The following CRTC3 variants were observed in gnomAD, a reference collection of about 807,000 sequenced individuals.
CRTC3 encodes CREB regulated transcription coactivator 3, also known as CREB-regulated transcription coactivator 3.
CRTC3 carries 26 observed loss-of-function variants against 74.5 expected under a neutral mutation model. The observed-to-expected ratio is 0.35, with a 90% CI of 0.26 to 0.48. The LOEUF (loss-of-function observed/expected upper bound fraction) is 0.48, where lower values mean the gene tolerates loss of function less well. CRTC3 is among the 20% of genes least tolerant of loss of function. The probability of loss-of-function intolerance (pLI) is 0.99; values close to 1 mark genes in which losing one functional copy is unlikely to be tolerated. For synonymous variants in CRTC3, 377 were observed against 325.8 expected (o/e 1.16, Z -1.69); for missense variants, 760 against 787.3 (o/e 0.97, Z 0.41).
chr15:90,607,623 C>T, intron 6 of CRTC3, 145 bp downstream of exon 6: 3 of 578,588 alleles, frequency 5.2e-6, no homozygotes, highest in Non-Finnish European at 9.2e-6. Context: ...GCGTGTGTGT[C>T]CATGATGCAG....
chr15:90,603,237 A>C (rs1427794491), intron 4 of CRTC3, among the ~76,000 whole-genome samples: 4 of 150,998 alleles, frequency 2.6e-5, no homozygotes, highest in Admixed American at 6.6e-5. Context: ...AGCTCAGGAG[A>C]TCGAGACCAT....
chr15:90,627,621 C>CTT (rs770224809), intron 10 of CRTC3, among the ~76,000 whole-genome samples: 1 of 144,684 alleles, frequency 6.9e-6, no homozygotes, highest in African/African-American at 2.5e-5. Context: ...TCTGTATTTT[C>CTT]TTTTTTTTTT....
chr15:90,597,194 A>AGCTCTTCT (rs1390256337), intron 3 of CRTC3, among the ~76,000 whole-genome samples: 1 of 152,262 alleles, frequency 6.6e-6, no homozygotes, highest in East Asian at 1.9e-4. Context: ...TTGGAAGAGA[A>AGCTCTTCT]GCTCTTCTGC....
intron 2 of CRTC3, among the ~76,000 whole-genome samples, chr15:90,564,471 C>G (rs971862268): frequency 6.6e-6 from 1 of 152,198 alleles, no homozygotes; most frequent in Non-Finnish European, 1.5e-5. Context: ...AGACCCTCCT[C>G]TATTATTTTC....
At chr15:90,564,606 G>A (rs1967083123) in intron 2 of CRTC3, among the ~76,000 whole-genome samples, 1 of 152,212 alleles carries the variant, frequency 6.6e-6, no homozygotes, top group East Asian at 1.9e-4. Context: ...CTTCTCATCT[G>A]CTTTTACTAC....
At chr15:90,561,502 G>A (rs1967009779) in intron 2 of CRTC3, among the ~76,000 whole-genome samples, 1 of 152,180 alleles carries the variant, frequency 6.6e-6, no homozygotes, top group Admixed American at 6.6e-5. Context: ...TTTCAAGAGA[G>A]GCAGAAAGAA....
At chr15:90,618,076 A>G in intron 8 of CRTC3, 108 bp downstream of exon 8, 1 of 685,386 alleles carries the variant, frequency 1.5e-6, no homozygotes, top group Non-Finnish European at 2.6e-6. Flanking sequence ...GGAAAAGGAG[A>G]AGATTTGTCT....
Position 90,627,761 on chromosome 15 carries a change from A to ACAGGC in CRTC3, c.968-1472_968-1468dup, listed in dbSNP as rs1968889785. Among the ~76,000 whole-genome samples the ACAGGC allele has an allele frequency of 3.3e-5, 5 of 149,320 alleles. No individual in the cohort carries two copies. In the South Asian group the frequency reaches 1.1e-3, roughly 32 times the overall value. On this transcript the variant is annotated intron_variant, in intron 10 of 14. Transcript: ENST00000268184. ...CTCAGCCTCCCCAGTAGCTGGGACT[A>ACAGGC]CAGGCACCTGCCACCACGCCCGGCT...
intron 7 of CRTC3, among the ~76,000 whole-genome samples, chr15:90,617,566 G>T (rs924385106): frequency 7.9e-5 from 12 of 152,208 alleles, no homozygotes; most frequent in African/African-American, 2.6e-4. Context: ...GTCTTGTTCT[G>T]TTGCCCAGCC....
chr15:90,585,933 T>C (rs1273880814), intron 2 of CRTC3, among the ~76,000 whole-genome samples: 2 of 152,214 alleles, frequency 1.3e-5, no homozygotes, highest in Admixed American at 1.3e-4. Context: ...CTTTGCTTTC[T>C]GGCTCACCAC....
Position 90,614,475 on chromosome 15 carries a change from T to C in CRTC3, c.600T>C (p.Asn200=), listed in dbSNP as rs765203834. 6 of 1,610,434 alleles carry C rather than the reference T, an allele frequency of 3.7e-6. No homozygotes were observed. The Admixed American group carries it at 8.3e-5, about 22-fold the overall frequency. ...TAGGTTTCTGTGATGGTGAGAATAATGGACATGGGGAAGGTATGAACTGAT... is the reference window on the plus strand; with the variant it reads ...TAGGTTTCTGTGATGGTGAGAATAACGGACATGGGGAAGGTATGAACTGAT... The part of the protein sequence containing the change: ...PYMGFCDGEN[N]GHGEVASFPG... The change falls in exon 7 of 15, where the codon AAT becomes AAC. Residue 200 remains asparagine (N), a synonymous_variant. Transcript: ENST00000268184.
At chr15:90,571,761 C>T (rs1967272237) in intron 2 of CRTC3, among the ~76,000 whole-genome samples, 1 of 152,114 alleles carries the variant, frequency 6.6e-6, no homozygotes, top group Non-Finnish European at 1.5e-5. Context: ...GTTTCATCTG[C>T]ACCCTTTCTG....
In CRTC3 at chr15:90,568,662, T is replaced by C. The variant is rs76965795; in HGVS notation, c.232-24974T>C. Among the ~76,000 whole-genome samples, 1,371 of 152,308 alleles carry C rather than the reference T, an allele frequency of 9.0e-3. 46 individuals carry two copies. In the East Asian group the frequency reaches 0.11, roughly 13 times the overall value. ...ACTCCAATTTTGAAACAAGTTCTATTGTGGGTAAAAGTGTTACCCAGCAGC... is the reference window on the plus strand; with the variant it reads ...ACTCCAATTTTGAAACAAGTTCTATCGTGGGTAAAAGTGTTACCCAGCAGC... On this transcript the variant is annotated intron_variant, in intron 2 of 14. Coordinates refer to ENST00000268184, the MANE Select transcript of CRTC3 (RefSeq NM_022769.5).
chr15:90,641,560 C>A (rs959163214), intron 14 of CRTC3, among the ~76,000 whole-genome samples: 8 of 151,958 alleles, frequency 5.3e-5, no homozygotes, highest in Non-Finnish European at 1.0e-4. Context: ...ATTAGCTGGG[C>A]ATGGCGGCGG....
chr15:90,614,833 G>A (rs1264139935), intron 7 of CRTC3, among the ~76,000 whole-genome samples: 1 of 152,162 alleles, frequency 6.6e-6, no homozygotes, highest in Non-Finnish European at 1.5e-5. Context: ...GGAGGCTGAG[G>A]TAGGTGGATC....
rs1213775418 is a variant in CRTC3, at chr15:90,625,998, G to C, written c.967+5G>C. 1 of 1,611,884 alleles carries C rather than the reference G, an allele frequency of 6.2e-7. No individual in the cohort carries two copies. The highest frequency in any genetic ancestry group is 8.5e-7 in the Non-Finnish European group (1 of 1,177,898). ...TGGGTATAAGAAGCTCCTCTGGTGA[G>C]TATCTCCTGCTTAGCAGTGACCTGG... On this transcript the variant is annotated splice_donor_5th_base_variant and intron_variant, in intron 10 of 14. Transcript: ENST00000268184.
At chr15:90,641,836 C>T (rs1969456285) in intron 14 of CRTC3, 96 bp from the exon 15 acceptor site, 3 of 943,120 alleles carry the variant, frequency 3.2e-6, no homozygotes, top group Non-Finnish European at 5.1e-6. Context: ...TGTGGGATAG[C>T]AGTTTAGGGG....
intron 8 of CRTC3, 114 bp from the exon 9 acceptor site, chr15:90,619,627 A>C: frequency 1.2e-6 from 1 of 808,000 alleles, no homozygotes. Flanking sequence ...CTCTGTCGAC[A>C]CGCAAGCTCT....
At chr15:90,574,624 T>C (rs937174328) in intron 2 of CRTC3, among the ~76,000 whole-genome samples, 4 of 152,206 alleles carry the variant, frequency 2.6e-5, no homozygotes, top group African/African-American at 9.7e-5. Flanking sequence ...TTAGTAGATA[T>C]TGTCAGTTCA....
Sources: allele counts gnomAD v4.1 joint callset (sites outside exome capture counted in the v4.1 genomes callset), GRCh38; gene constraint gnomAD v4.1.1; transcripts MANE v1.5; gene names NCBI Gene and HGNC (gene_info 2026-07-23, HGNC 2026-07-21).